WDR72: variants seen among roughly 807,000 people sequenced by gnomAD.
The protein encoded by WDR72 is WD repeat domain 72.
WDR72 carries 120 observed loss-of-function variants against 124.2 expected under a neutral mutation model. The ratio of observed to expected loss-of-function variants is 0.97; its 90% CI spans 0.83 to 1.12. WDR72 has a LOEUF of 1.12. Among genes scored for constraint, WDR72 ranks in the 50% most tolerant of loss-of-function variants. The pLI, the probability that WDR72 is intolerant of heterozygous loss-of-function variation, is 0.00. For synonymous variants in WDR72, 452 were observed against 441.7 expected, an observed-to-expected ratio of 1.02 and a Z score of -0.29; for missense variants, 1,387 against 1,278.8, an observed-to-expected ratio of 1.08 and a Z score of -1.29.
intron 14 of WDR72, among the ~76,000 whole-genome samples, chr15:53,623,782 T>C (rs113265711): frequency 0.014 from 2,083 of 152,320 alleles, 47 homozygotes; most frequent in African/African-American, 0.047. Context: ...ATACACTGTA[T>C]ACATTCCCAC....
intron 14 of WDR72, among the ~76,000 whole-genome samples, chr15:53,662,766 C>G (rs1262445112): frequency 6.6e-6 from 1 of 151,986 alleles, no homozygotes; most frequent in East Asian, 1.9e-4. Context: ...TTAAAGAAGA[C>G]TAAGATAAAG....
intron 14 of WDR72, among the ~76,000 whole-genome samples, chr15:53,662,949 G>C (rs747034316): frequency 6.6e-5 from 10 of 151,704 alleles, no homozygotes; most frequent in Non-Finnish European, 1.2e-4. Flanking sequence ...TGCACCTGTA[G>C]TCCCAAATAC....
At chr15:53,537,768 T>A (rs1892838919) in intron 18 of WDR72, among the ~76,000 whole-genome samples, 1 of 152,172 alleles carries the variant, frequency 6.6e-6, no homozygotes, top group African/African-American at 2.4e-5. Flanking sequence ...GGTCAAGACA[T>A]TTTATTTTAT....
chr15:53,556,225 G>A (rs1349853667), intron 18 of WDR72, among the ~76,000 whole-genome samples: 1 of 152,088 alleles, frequency 6.6e-6, no homozygotes, highest in African/African-American at 2.4e-5. Flanking sequence ...TAAATAATGA[G>A]ATTGAGTAAC....
rs1287773412 is a variant in WDR72 at position 53,514,768 on chromosome 15, T to C, written c.*2931A>G. ...GTTTAATAGTGCTCACATTGCTTTC[T>C]AGCACCTCTGGATGAGCCCTGTGAG... is the stretch of plus-strand genomic sequence containing the variant. On this transcript the variant is annotated 3_prime_UTR_variant, in exon 20 of 20. Transcript: ENST00000360509. The C allele has an allele frequency of 3.3e-5, 5 of 151,978 alleles. No homozygotes were observed. The highest frequency in any genetic ancestry group is 7.4e-5 in the Non-Finnish European group (5 of 68,004). The allele number at this position is 151,978 out of a possible 1,614,324, so 9.4% of individuals were successfully genotyped here.
intron 1 of WDR72, among the ~76,000 whole-genome samples, chr15:53,739,621 G>C (rs1318343016): frequency 6.6e-6 from 1 of 152,206 alleles, no homozygotes; most frequent in Non-Finnish European, 1.5e-5. Context: ...AGCAGGTAGT[G>C]AGAAGGACAC....
intron 6 of WDR72, 25 bp from the exon 7 acceptor site, chr15:53,712,916 A>G (rs1195246313): frequency 6.2e-7 from 1 of 1,611,802 alleles, no homozygotes; most frequent in Non-Finnish European, 8.5e-7. Context: ...AAAATCTTTT[A>G]GTACTAGTTC....
At chr15:53,611,639 T>A (rs1285537623) in intron 16 of WDR72, among the ~76,000 whole-genome samples, 3 of 151,900 alleles carry the variant, frequency 2.0e-5, no homozygotes, top group African/African-American at 7.3e-5. Context: ...CCTGACACAG[T>A]GGACAGGAAA....
intron 9 of WDR72, among the ~76,000 whole-genome samples, chr15:53,706,287 A>C (rs1165125022): frequency 1.3e-5 from 2 of 148,374 alleles, no homozygotes; most frequent in African/African-American, 5.1e-5. Flanking sequence ...AGACCTCAGA[A>C]AGTCAATAAA....
chr15:53,598,387 T>C (rs2012881254), intron 17 of WDR72, among the ~76,000 whole-genome samples: 1 of 152,080 alleles, frequency 6.6e-6, no homozygotes, highest in Non-Finnish European at 1.5e-5. Flanking sequence ...AGTCTACCCA[T>C]AAGCATGTCT....
intron 14 of WDR72, among the ~76,000 whole-genome samples, chr15:53,621,168 A>G (rs1020114723): frequency 6.6e-6 from 1 of 151,964 alleles, no homozygotes; most frequent in African/African-American, 2.4e-5. Context: ...TGTGGTAAAC[A>G]GGGAGTGCTT....
intron 13 of WDR72, 118 bp downstream of exon 13, chr15:53,699,632 C>G: frequency 8.9e-7 from 1 of 1,119,182 alleles, no homozygotes. Flanking sequence ...AAATGCAGCC[C>G]AAACAAAGGT....
intron 18 of WDR72, among the ~76,000 whole-genome samples, chr15:53,568,556 T>C (rs1335973665): frequency 6.6e-6 from 1 of 152,070 alleles, no homozygotes; most frequent in Non-Finnish European, 1.5e-5. Flanking sequence ...CTCTGGCTTC[T>C]GTAACGATCC....
intron 16 of WDR72, 93 bp downstream of exon 16, chr15:53,613,573 A>G (rs563649239): frequency 1.2e-6 from 1 of 833,964 alleles, no homozygotes; most frequent in African/African-American, 1.7e-5. Flanking sequence ...TATGTTATTT[A>G]TTTTGACACT....
chr15:53,533,751 G>A (rs1257142236), intron 18 of WDR72, among the ~76,000 whole-genome samples: 3 of 152,010 alleles, frequency 2.0e-5, no homozygotes, highest in Non-Finnish European at 2.9e-5. Flanking sequence ...TTGTGCCTCC[G>A]CACAGATGCC....
At chr15:53,667,432 G>A (rs1319192120) in intron 13 of WDR72, among the ~76,000 whole-genome samples, 1 of 151,634 alleles carries the variant, frequency 6.6e-6, no homozygotes, top group Non-Finnish European at 1.5e-5. Context: ...TATAAATTAG[G>A]AAAAAAAATA....
At chr15:53,568,072 GTTT>G (rs66751840) in intron 18 of WDR72, among the ~76,000 whole-genome samples, 11 of 138,096 alleles carry the variant, frequency 8.0e-5, no homozygotes, top group South Asian at 7.0e-4. Flanking sequence ...TTTTTGTCTT[GTTT>G]TTTTTTTTTT....
intron 13 of WDR72, among the ~76,000 whole-genome samples, chr15:53,687,384 C>T (rs989716299): frequency 6.7e-6 from 1 of 149,982 alleles, no homozygotes; most frequent in African/African-American, 2.5e-5. Context: ...GGGGATATCA[C>T]CACCAATCCC....
chr15:53,703,994 C>A (rs1269989180), intron 11 of WDR72, among the ~76,000 whole-genome samples: 1 of 152,062 alleles, frequency 6.6e-6, no homozygotes, highest in Non-Finnish European at 1.5e-5. Context: ...TTAATGGCAG[C>A]CATTTAGCTG....
Sources: allele counts gnomAD v4.1 joint callset (sites outside exome capture counted in the v4.1 genomes callset), GRCh38; gene constraint gnomAD v4.1.1; transcripts MANE v1.5; gene names NCBI Gene and HGNC (gene_info 2026-07-23, HGNC 2026-07-21).